Variants in MYO3B observed in about 807,000 individuals in gnomAD.
MYO3B encodes myosin-IIIb.
MYO3B carries 156 observed loss-of-function variants against 174.6 expected under a neutral mutation model. The ratio of observed to expected loss-of-function variants is 0.89; its 90% CI spans 0.78 to 1.02. MYO3B has a LOEUF of 1.02. MYO3B is among the 50% of genes least tolerant of loss of function. The probability of loss-of-function intolerance (pLI) is 0.00; values close to 1 mark genes in which losing one functional copy is unlikely to be tolerated. For missense variants in MYO3B, 1,632 were observed against 1,639.4 expected, an observed-to-expected ratio of 1.00 and a Z score of 0.08; for synonymous variants, 563 against 569.1, an observed-to-expected ratio of 0.99 and a Z score of 0.15.
intron 14 of MYO3B, among the ~76,000 whole-genome samples, chr2:170,387,546 T>G (rs1170078506): frequency 6.6e-6 from 1 of 152,122 alleles, no homozygotes; most frequent in Non-Finnish European, 1.5e-5. Context: ...TTCTCCTGAG[T>G]TGGTTGTGTC....
chr2:170,511,145 C>T (rs1238722553), intron 28 of MYO3B, among the ~76,000 whole-genome samples: 2 of 151,616 alleles, frequency 1.3e-5, no homozygotes, highest in South Asian at 2.1e-4. Context: ...CTGCAAACTC[C>T]GCCTCCCAGG....
chr2:170,321,610 A>G (rs2093826865), intron 7 of MYO3B, among the ~76,000 whole-genome samples: 1 of 152,204 alleles, frequency 6.6e-6, no homozygotes, highest in African/African-American at 2.4e-5. Context: ...ATGCAGCATT[A>G]TTCACTAGTC....
chr2:170,390,845 G>A (rs2094407118), intron 14 of MYO3B, among the ~76,000 whole-genome samples: 3 of 152,132 alleles, frequency 2.0e-5, no homozygotes, highest in African/African-American at 7.2e-5. Context: ...AAATTATCAT[G>A]CTCTTGGATG....
At chr2:170,465,006 A>G (rs1477168146) in intron 24 of MYO3B, among the ~76,000 whole-genome samples, 1 of 149,452 alleles carries the variant, frequency 6.7e-6, no homozygotes, top group African/African-American at 2.5e-5. Flanking sequence ...AGCTGGGACT[A>G]CAGGTACGTG....
intron 7 of MYO3B, among the ~76,000 whole-genome samples, chr2:170,301,838 G>A (rs1193484488): frequency 6.8e-6 from 1 of 147,790 alleles, no homozygotes; most frequent in East Asian, 2.0e-4. Flanking sequence ...TACAGGAAAC[G>A]AGCGACATAG....
intron 32 of MYO3B, among the ~76,000 whole-genome samples, chr2:170,634,921 A>AT (rs1358067568): frequency 6.0e-4 from 91 of 152,356 alleles, no homozygotes; most frequent in Non-Finnish European, 1.1e-3. Context: ...ATGAGATACC[A>AT]TCTCACACCA....
chr2:170,465,692 C>A (rs1054180995), intron 24 of MYO3B, among the ~76,000 whole-genome samples: 7 of 152,218 alleles, frequency 4.6e-5, no homozygotes, highest in Non-Finnish European at 8.8e-5. Context: ...TATACCCATA[C>A]AACCAGTTTG....
At chr2:170,242,081 T>C (rs2093140726) in intron 7 of MYO3B, among the ~76,000 whole-genome samples, 1 of 152,170 alleles carries the variant, frequency 6.6e-6, no homozygotes. Flanking sequence ...GCTGAGTGTT[T>C]AATGGCACAG....
At chr2:170,622,627 G>A (rs1696027295) in intron 32 of MYO3B, among the ~76,000 whole-genome samples, 1 of 151,902 alleles carries the variant, frequency 6.6e-6, no homozygotes, top group South Asian at 2.1e-4. Context: ...CAACGTGCAG[G>A]TTTGTTACAT....
intron 9 of MYO3B, 136 bp from the exon 10 acceptor site, chr2:170,381,880 A>T: frequency 1.5e-6 from 1 of 649,018 alleles, no homozygotes; most frequent in Non-Finnish European, 2.7e-6. Context: ...GGGGACCTGG[A>T]CTGGACTTCC....
intron 32 of MYO3B, among the ~76,000 whole-genome samples, chr2:170,593,655 T>C (rs1307326073): frequency 3.9e-5 from 6 of 152,236 alleles, no homozygotes; most frequent in Admixed American, 1.3e-4. Context: ...GTTGTTATTA[T>C]TCACAATACA....
intron 8 of MYO3B, among the ~76,000 whole-genome samples, chr2:170,359,633 T>A (rs2094146590): frequency 6.6e-6 from 1 of 152,202 alleles, no homozygotes; most frequent in Non-Finnish European, 1.5e-5. Context: ...TTTATACCAA[T>A]GAACTTCCTC....
At chr2:170,591,801 G>A (rs967121297) in intron 32 of MYO3B, among the ~76,000 whole-genome samples, 2 of 152,162 alleles carry the variant, frequency 1.3e-5, no homozygotes, top group African/African-American at 4.8e-5. Context: ...AAAGAATAAT[G>A]TATATACAGA....
intron 30 of MYO3B, among the ~76,000 whole-genome samples, chr2:170,529,735 A>G (rs1689230824): frequency 6.6e-6 from 1 of 152,346 alleles, no homozygotes; most frequent in South Asian, 2.1e-4. Context: ...TGAGAAAGGA[A>G]AATGGACTCA....
intron 8 of MYO3B, among the ~76,000 whole-genome samples, chr2:170,346,668 A>G (rs932255855): frequency 2.0e-5 from 3 of 152,220 alleles, no homozygotes; most frequent in Non-Finnish European, 2.9e-5. Flanking sequence ...AAAGTGGGGA[A>G]TTTCTGTAAT....
intron 32 of MYO3B, among the ~76,000 whole-genome samples, chr2:170,587,039 C>G (rs1361824630): frequency 6.6e-6 from 1 of 152,134 alleles, no homozygotes; most frequent in Non-Finnish European, 1.5e-5. Flanking sequence ...CTACCCAATG[C>G]CAACAAAGCA....
intron 7 of MYO3B, among the ~76,000 whole-genome samples, chr2:170,238,487 A>G (rs2093096069): frequency 6.6e-6 from 1 of 152,136 alleles, no homozygotes; most frequent in Admixed American, 6.5e-5. Flanking sequence ...GACTATTTTC[A>G]GTGCTTTGGA....
intron 5 of MYO3B, among the ~76,000 whole-genome samples, chr2:170,215,237 G>A (rs910952305): frequency 6.6e-6 from 1 of 152,180 alleles, no homozygotes; most frequent in African/African-American, 2.4e-5. Context: ...TTCCCAGGGA[G>A]CAGAAGGTAA....
At chr2:170,186,981 T>C (rs1371695553) in intron 1 of MYO3B, among the ~76,000 whole-genome samples, 1 of 151,814 alleles carries the variant, frequency 6.6e-6, no homozygotes, top group Non-Finnish European at 1.5e-5. Flanking sequence ...CCTTTTCATC[T>C]CTGATTATAT....
Sources: gnomAD v4.1 joint callset for allele counts (sites outside exome capture counted in the v4.1 genomes callset) on GRCh38, gnomAD v4.1.1 for gene constraint, MANE v1.5 for transcripts, NCBI Gene and HGNC (gene_info 2026-07-23, HGNC 2026-07-21) for gene names.